The following UTP25 variants were observed in gnomAD, a reference collection of about 807,000 sequenced individuals.
The protein encoded by UTP25 is UTP25 small subunit processome component, also known as U3 small nucleolar RNA-associated protein 25 homolog.
Under a neutral mutation model 78.9 loss-of-function variants are expected in UTP25, and 50 were observed. The ratio of observed to expected loss-of-function variants is 0.63; its 90% confidence interval spans 0.50 to 0.80. The LOEUF (loss-of-function observed/expected upper bound fraction) is 0.80, where lower values mean the gene tolerates loss of function less well. Among genes scored for constraint, UTP25 ranks in the 30% least tolerant of loss-of-function variants. The pLI, the probability that UTP25 is intolerant of heterozygous loss-of-function variation, is 0.00. For missense variants in UTP25, 846 were observed against 911.3 expected, an observed-to-expected ratio of 0.93 and a Z score of 0.92; for synonymous variants, 329 against 336.5, an observed-to-expected ratio of 0.98 and a Z score of 0.24.
At chr1:209,841,368 A>T (rs1416010243) in intron 8 of UTP25, among the ~76,000 whole-genome samples, 1 of 152,304 alleles carries the variant, frequency 6.6e-6, no homozygotes, top group East Asian at 1.9e-4. Flanking sequence ...GGATAGGTTG[A>T]TGGATGGATG....
chr1:209,828,866 G>A (rs1475931943), intron 1 of UTP25, among the ~76,000 whole-genome samples: 1 of 150,826 alleles, frequency 6.6e-6, no homozygotes, highest in East Asian at 1.9e-4. Context: ...TCCGTCTCCC[G>A]GGCTTAAGCG....
At position 209,842,174 on chromosome 1, in the gene UTP25, C is replaced by T. The variant is rs1386787793; in HGVS notation, c.1486-91C>T. 37 of 1,311,026 alleles carry T rather than the reference C, an allele frequency of 2.8e-5. 1 individual carries two copies. The highest frequency in any genetic ancestry group is 3.6e-5 in the Non-Finnish European group (34 of 935,494). 81.2% of individuals were successfully genotyped at this position (1,311,026 alleles called of 1,614,324 possible). A position where few individuals can be genotyped will look rare whatever the true frequency, so the allele number is the denominator to read the frequency against. ...TGTTATAATTTAGGAGATGATAGTA[C>T]ATGAGTTGATAGACTCGGAAAATGT... On this transcript the variant is annotated intron_variant, in intron 8 of 11. Coordinates refer to ENST00000491415, the MANE Select transcript of UTP25 (RefSeq NM_014388.7).
intron 7 of UTP25, 23 bp from the exon 8 acceptor site, chr1:209,840,830 G>A (rs544124209): frequency 3.7e-6 from 6 of 1,611,302 alleles, no homozygotes; most frequent in East Asian, 4.5e-5. Flanking sequence ...ATGAATTGGT[G>A]TGTACTTGGC....
At chr1:209,832,804 A>G (rs915750789) in intron 3 of UTP25, among the ~76,000 whole-genome samples, 9 of 152,182 alleles carry the variant, frequency 5.9e-5, no homozygotes, top group Non-Finnish European at 1.3e-4. Context: ...AAATCACTTG[A>G]GCCCAAGAGG....
chr1:209,844,507 C>T (rs1274648721), intron 11 of UTP25: 2 of 152,204 alleles, frequency 1.3e-5, no homozygotes, highest in African/African-American at 2.4e-5. Flanking sequence ...TGGTGTGTGC[C>T]TATAATCCCA....
rs2078249253 is a variant in UTP25 at position 209,852,877 on chromosome 1, C to T, written c.*1430C>T. On this transcript the variant is annotated 3_prime_UTR_variant, in exon 12 of 12. Coordinates refer to ENST00000491415, the MANE Select transcript of UTP25 (RefSeq NM_014388.7). ...ATCCATATATTGAAAACCATGAATTCACACCAGTACCTCCAATTCTAGTCC... is the reference window on the plus strand; with the variant it reads ...ATCCATATATTGAAAACCATGAATTTACACCAGTACCTCCAATTCTAGTCC... The T allele has an allele frequency of 6.6e-6, 1 of 152,140 alleles. No homozygotes were observed. Among genetic ancestry groups the T allele is most frequent in the Non-Finnish European group, 1.5e-5 (1 of 68,036 alleles). 9.4% of individuals were successfully genotyped at this position (152,140 alleles called of 1,614,324 possible).
In UTP25 at chr1:209,837,122, G is replaced by T. The variant is rs758541820; in HGVS notation, c.973G>T (p.Val325Leu). 6.2e-7 allele frequency: 1 copy of T among 1,614,154 alleles called. No individual in the cohort carries two copies. The highest frequency in any genetic ancestry group is 1.1e-5 in the South Asian group (1 of 91,084). ...TCACATCCTCAAAGCCAATGCCCAG[G>T]TGCTTGGCAACAATAGCAGACGCCG... ...INHILKANAQ[V>L]LGNNSRRRSQ... is the part of the protein sequence containing the mutation. The change falls in exon 6 of 12, where the codon GTG becomes TTG. Residue 325 changes from valine (V) to leucine (L), a missense_variant. Transcript: ENST00000491415.
rs375739108 is a variant in UTP25, at chr1:209,830,087, A to T, written c.108-21A>T. On this transcript the variant is annotated intron_variant, in intron 1 of 11. Transcript: ENST00000491415. ...TCTACATACTAGTAGTTAGAATGTA[A>T]CATTGCCTGTTTCTTTTTAGGGTTT... 6.0e-5 allele frequency: 96 copies of T among 1,610,914 alleles called. 2 individuals are homozygous for T. The Middle Eastern group carries it at 1.5e-3, about 25-fold the overall frequency.
At chr1:209,832,988 G>C (rs1263551590) in intron 3 of UTP25, among the ~76,000 whole-genome samples, 197 bp from the exon 4 acceptor site, 1 of 152,124 alleles carries the variant, frequency 6.6e-6, no homozygotes, top group Non-Finnish European at 1.5e-5. Flanking sequence ...GCCAAATTGA[G>C]ACATAAAACC....
At position 209,842,357 on chromosome 1, in the gene UTP25, G is replaced by A; in HGVS notation, c.1578G>A (p.Lys526=). The A allele has an allele frequency of 1.9e-6, 3 of 1,614,150 alleles. No individual in the cohort carries two copies. The highest frequency in any genetic ancestry group is 2.5e-6 in the Non-Finnish European group (3 of 1,180,000). Residue 526 remains lysine, a synonymous_variant, in exon 9 of 12, where the codon AAG becomes AAA. Coordinates refer to ENST00000491415, the MANE Select transcript of UTP25 (RefSeq NM_014388.7). ...TGTGGAGCCTCAATAATTGGTCCAA[G>A]TACTATCGCCAGACACTGCTATTTG... The part of the protein sequence containing the change: ...VRMWSLNNWS[K]YYRQTLLFGA...
rs376415152 is a variant in UTP25 at position 209,842,343 on chromosome 1, A to G, written c.1564A>G (p.Asn522Asp). The G allele has an allele frequency of 1.9e-6, 3 of 1,614,036 alleles. No individual in the cohort carries two copies. In the South Asian group the frequency reaches 3.3e-5, roughly 18 times the overall value. The change falls in exon 9 of 12, where the codon AAT (asparagine) becomes GAT (aspartate). Residue 522 changes from asparagine (N) to aspartate (D), a missense_variant. Transcript: ENST00000491415. Reference protein sequence around the residue: ...DFSRVRMWSLNNWSKYYRQTL... With the variant: ...DFSRVRMWSLDNWSKYYRQTL... The stretch of plus-strand genomic sequence containing the variant: ...TTCTCGAGTGCGGATGTGGAGCCTC[A>G]ATAATTGGTCCAAGTACTATCGCCA...
At chr1:209,839,894 A>C (rs997613889) in intron 7 of UTP25, among the ~76,000 whole-genome samples, 10 of 152,118 alleles carry the variant, frequency 6.6e-5, no homozygotes, top group Non-Finnish European at 1.5e-5. Flanking sequence ...CCTTACCCAA[A>C]ATGGGGGCAG....
rs1212546417 is a variant in UTP25, at chr1:209,828,162, C to T, written c.99C>T (p.Phe33=). 8.7e-6 allele frequency: 14 copies of T among 1,613,682 alleles called. No individual in the cohort carries two copies. Among genetic ancestry groups the T allele is most frequent in the Non-Finnish European group, 1.2e-5 (14 of 1,179,700 alleles). Residue 33 remains phenylalanine (F), a synonymous_variant, in exon 1 of 12, where the codon TTC becomes TTT. Transcript: ENST00000491415. ...GAGATTTCGGCGAGGAGCATCCCTT[C>T]TATGACAGGTCTGAAGGGGCGTGGC... ...HLRDFGEEHP[F]YDRVSRKEAK...
At chr1:209,849,063 G>T (rs547423996) in intron 11 of UTP25, among the ~76,000 whole-genome samples, 1 of 151,952 alleles carries the variant, frequency 6.6e-6, no homozygotes, top group Non-Finnish European at 1.5e-5. Flanking sequence ...CCAGAGGAGG[G>T]TCTCACTCCA....
chr1:209,843,344 A>G, intron 10 of UTP25, 107 bp from the exon 11 acceptor site: 1 of 1,350,114 alleles, frequency 7.4e-7, no homozygotes, highest in Non-Finnish European at 1.0e-6. Context: ...GCCTCTGGGG[A>G]GGTAATCTTT....
At chr1:209,844,654 A>AC (rs2078186507) in intron 11 of UTP25, 1 of 143,644 alleles carries the variant, frequency 7.0e-6, no homozygotes, top group Non-Finnish European at 1.5e-5. Context: ...AAAAAAAAAA[A>AC]ACCAACTCTA....
chr1:209,838,060 C>T (rs567599257), intron 6 of UTP25, among the ~76,000 whole-genome samples: 1 of 152,342 alleles, frequency 6.6e-6, no homozygotes, highest in South Asian at 2.1e-4. Context: ...CCTCTTAAAT[C>T]TTGGTCCACC....
chr1:209,839,279 G>A (rs962024070), intron 7 of UTP25, 151 bp downstream of exon 7: 6 of 792,632 alleles, frequency 7.6e-6, no homozygotes, highest in African/African-American at 3.5e-5. Flanking sequence ...TTTGCCATGG[G>A]AGAGTCTTGC....
intron 11 of UTP25, among the ~76,000 whole-genome samples, chr1:209,849,799 C>T (rs2078220713): frequency 6.6e-6 from 1 of 152,238 alleles, no homozygotes; most frequent in African/African-American, 2.4e-5. Flanking sequence ...TTTCTTACTA[C>T]CCACTTTTTT....
Sources: allele counts gnomAD v4.1 joint callset (sites outside exome capture counted in the v4.1 genomes callset), GRCh38; gene constraint gnomAD v4.1.1; transcripts MANE v1.5; gene names NCBI Gene and HGNC (gene_info 2026-07-23, HGNC 2026-07-21).